Variants in GRSF1 observed in about 807,000 individuals in gnomAD.
GRSF1 encodes the protein G-rich RNA sequence binding factor 1.
In GRSF1, 50 loss-of-function variants were observed where a neutral mutation model predicts 51.1. That is an observed-to-expected ratio of 0.98 (90% CI 0.78 to 1.24). The LOEUF (loss-of-function observed/expected upper bound fraction) is 1.24. GRSF1 is among the 50% of genes most tolerant of loss of function. GRSF1 has a pLI of 0.00. For synonymous variants in GRSF1, 293 were observed against 253.3 expected, an observed-to-expected ratio of 1.16 and a Z score of -1.49; for missense variants, 700 against 639.7, an observed-to-expected ratio of 1.09 and a Z score of -1.02.
chr4:70,828,123 T>C, intron 5 of GRSF1, 87 bp from the exon 6 acceptor site: 1 of 924,250 alleles, frequency 1.1e-6, no homozygotes, highest in Non-Finnish European at 1.7e-6. Flanking sequence ...ATACATTATA[T>C]TTCCAACAGC....
At chr4:70,839,147 TG>T (rs1249462637) in intron 1 of GRSF1, 1 of 1,321,114 alleles carries the variant, frequency 7.6e-7, no homozygotes, top group African/African-American at 1.5e-5. Flanking sequence ...AGATGCGAGG[TG>T]GGGGCGTCAG....
At position 70,831,808 on chromosome 4, in the gene GRSF1, AAATT is replaced by A. The variant is rs1733981462; in HGVS notation, c.815-138_815-135del. The A allele has an allele frequency of 6.0e-6, 4 of 665,264 alleles. No individual in the cohort carries two copies. The South Asian group carries it at 9.6e-5, about 16-fold the overall frequency. The allele number at this position is 665,264 out of a possible 1,614,324, so 41.2% of individuals were successfully genotyped here. ...ACTGAATACATGCTTGACAGGAAGA[AAATT>A]ATTATGCAGTCAAAAGTCAGTCAAC... is the stretch of plus-strand genomic sequence containing the variant. On this transcript the variant is annotated intron_variant, in intron 4 of 9. Coordinates refer to ENST00000254799, the MANE Select transcript of GRSF1 (RefSeq NM_002092.4).
chr4:70,839,413 G>T (rs760514049), intron 1 of GRSF1, 58 bp downstream of exon 1: 15 of 1,505,970 alleles, frequency 1.0e-5, no homozygotes, highest in Non-Finnish European at 1.3e-5. Context: ...GGGCGCGGGG[G>T]CGCGTGCACG....
rs933964176 is a variant in GRSF1, at chr4:70,818,854, T to C, written c.*2033A>G. On this transcript the variant is annotated 3_prime_UTR_variant, in exon 10 of 10. Coordinates refer to ENST00000254799, the MANE Select transcript of GRSF1 (RefSeq NM_002092.4). ...TGCTTCCTTCAATAGCAAAGAGTGA[T>C]GCAAAACAGTCTTCTCAAATGTGGG... 2 of 152,158 alleles carry C rather than the reference T, an allele frequency of 1.3e-5. No individual in the cohort carries two copies. Among genetic ancestry groups the C allele is most frequent in the African/African-American group, 4.8e-5 (2 of 41,448 alleles). The allele number at this position is 152,158 out of a possible 1,614,324, so 9.4% of individuals were successfully genotyped here.
In GRSF1 at chr4:70,827,948, C is replaced by T. The variant is rs1273439961; in HGVS notation, c.1039G>A (p.Ala347Thr). The T allele has an allele frequency of 6.2e-7, 1 of 1,611,896 alleles. No individual in the cohort carries two copies. Among genetic ancestry groups the T allele is most frequent in the Non-Finnish European group, 8.5e-7 (1 of 1,178,196 alleles). ...KGKKIASFPT[A>T]KYITEPEMVF... Reference sequence around the variant, plus strand: ...ATTTCTGGCTCAGTTATATACTTAGCAGTAGGAAAAGATGCGATTTTCTTT... The same window carrying T: ...ATTTCTGGCTCAGTTATATACTTAGTAGTAGGAAAAGATGCGATTTTCTTT... The change falls in exon 6 of 10, where the codon GCT becomes ACT. Residue 347 changes from alanine (A) to threonine (T), a missense_variant. Physicochemically the swap from Ala to Thr is moderately conservative, Grantham distance 58. Transcript: ENST00000254799.
chr4:70,841,580 T>A (rs941967539), upstream of GRSF1, among the ~76,000 whole-genome samples: 9 of 152,356 alleles, frequency 5.9e-5, no homozygotes, highest in East Asian at 1.7e-3. Context: ...TTGTCAACAC[T>A]TTTCAGTCTT....
chr4:70,827,317 T>C (rs1354052649), intron 6 of GRSF1, among the ~76,000 whole-genome samples: 1 of 151,382 alleles, frequency 6.6e-6, no homozygotes, highest in Non-Finnish European at 1.5e-5. Flanking sequence ...CTTCAGTCAA[T>C]ATTCCTGCTC....
intron 6 of GRSF1, among the ~76,000 whole-genome samples, chr4:70,826,559 G>C (rs888191221): frequency 2.6e-4 from 40 of 151,644 alleles, no homozygotes; most frequent in African/African-American, 9.7e-4. Flanking sequence ...AAGAACAAAG[G>C]CTGGGCGTGG....
At chr4:70,828,946 C>T (rs1488726406) in intron 5 of GRSF1, among the ~76,000 whole-genome samples, 2 of 152,006 alleles carry the variant, frequency 1.3e-5, no homozygotes, top group Non-Finnish European at 2.9e-5. Flanking sequence ...ACTATGTTGG[C>T]CAGGCTGGTC....
In GRSF1 at chr4:70,818,692, C is replaced by T. The variant is rs1023293063; in HGVS notation, c.*2195G>A. On this transcript the variant is annotated 3_prime_UTR_variant, in exon 10 of 10. Transcript: ENST00000254799. ...GCTTCTCAGAGTTCTCCCTTGCACT[C>T]CGTAAGCAGCAGCTAGGCTAAAGCA... 6.6e-6 allele frequency: 1 copy of T among 152,226 alleles called. No homozygotes were observed. The highest frequency in any genetic ancestry group is 6.6e-5 in the Admixed American group (1 of 15,256). 9.4% of individuals were successfully genotyped at this position (152,226 alleles called of 1,614,324 possible). A position where few individuals can be genotyped will look rare whatever the true frequency, so the allele number is the denominator to read the frequency against.
chr4:70,822,446 G>A (rs909233380), intron 9 of GRSF1, among the ~76,000 whole-genome samples: 1 of 151,876 alleles, frequency 6.6e-6, no homozygotes, highest in African/African-American at 2.4e-5. Flanking sequence ...AGCTGGATGT[G>A]GTAGAGAATG....
chr4:70,828,310 A>G (rs2148839871), intron 5 of GRSF1, among the ~76,000 whole-genome samples: 1 of 152,344 alleles, frequency 6.6e-6, no homozygotes, highest in East Asian at 1.9e-4. Context: ...CTTCATGAGA[A>G]CAACTATGCT....
intron 1 of GRSF1, chr4:70,839,128 A>T: frequency 7.7e-7 from 1 of 1,305,322 alleles, no homozygotes; most frequent in Non-Finnish European, 1.0e-6. Context: ...CAGCCGGCGG[A>T]AAGCAAGAAG....
At chr4:70,841,049 G>A (rs911217159), upstream of GRSF1, among the ~76,000 whole-genome samples, 4 of 152,060 alleles carry the variant, frequency 2.6e-5, no homozygotes, top group African/African-American at 9.7e-5. Flanking sequence ...TAATCCCAGC[G>A]CTTTGGGAGG....
At chr4:70,829,077 C>T (rs1473521498) in intron 5 of GRSF1, among the ~76,000 whole-genome samples, 1 of 151,740 alleles carries the variant, frequency 6.6e-6, no homozygotes, top group African/African-American at 2.4e-5. Context: ...TTTTTGTAGA[C>T]ATGGGTTCTT....
In GRSF1 at chr4:70,831,681, C is replaced by T. The variant is rs1453069917; in HGVS notation, c.815-7G>A. 6.2e-7 allele frequency: 1 copy of T among 1,602,806 alleles called. No individual in the cohort carries two copies. The highest frequency in any genetic ancestry group is 8.5e-7 in the Non-Finnish European group (1 of 1,176,042). On this transcript the variant is annotated splice_region_variant and splice_polypyrimidine_tract_variant and intron_variant, in intron 4 of 9. Transcript: ENST00000254799. ...ATGTCAACTATATTCAGTCCTAGGA[C>T]ACCAAGAGATTTTAATGCTACTAGC...
rs1302632050 is a variant in GRSF1 at position 70,836,270 on chromosome 4, C to T, written c.402G>A (p.Glu134=). ...CTAACTTGGACGGGGCCAATTCATA[C>T]TCAGGGGGTGGTGGAAGGTCTTCCA... is the stretch of plus-strand genomic sequence containing the variant. The part of the protein sequence containing the change: ...TYLEDLPPPP[E]YELAPSKLEE... Residue 134 remains glutamate, a synonymous_variant, in exon 2 of 10, where the codon GAG becomes GAA. Transcript: ENST00000254799. The T allele has an allele frequency of 1.9e-6, 3 of 1,603,048 alleles. No homozygotes were observed. The highest frequency in any genetic ancestry group is 1.1e-5 in the South Asian group (1 of 88,090).
rs1734392074 is a variant in GRSF1 at position 70,839,813 on chromosome 4, G to C, written c.15C>G (p.Arg5=). MAGT[R]WVLGALLRGC... ...CCCGGAGCAGCGCCCCGAGTACCCA[G>C]CGCGTGCCGGCCATGGACTCCGGAG... is the stretch of plus-strand genomic sequence containing the variant. The change falls in exon 1 of 10, where the codon CGC becomes CGG. Residue 5 remains arginine (R), a synonymous_variant. Coordinates refer to ENST00000254799, the MANE Select transcript of GRSF1 (RefSeq NM_002092.4). The C allele has an allele frequency of 6.7e-7, 1 of 1,499,590 alleles. No homozygotes were observed. Among genetic ancestry groups the C allele is most frequent in the African/African-American group, 1.5e-5 (1 of 68,816 alleles). The allele number at this position is 1,499,590 out of a possible 1,614,324, so 92.9% of individuals were successfully genotyped here.
At chr4:70,836,690 G>A (rs929950636) in intron 1 of GRSF1, among the ~76,000 whole-genome samples, 6 of 151,970 alleles carry the variant, frequency 3.9e-5, no homozygotes, top group South Asian at 4.2e-4. Context: ...TCTAGAATAC[G>A]ATAAGCATAC....
Sources: gnomAD v4.1 joint callset for allele counts (sites outside exome capture counted in the v4.1 genomes callset) on GRCh38, gnomAD v4.1.1 for gene constraint, MANE v1.5 for transcripts, NCBI Gene and HGNC (gene_info 2026-07-23, HGNC 2026-07-21) for gene names.